Variants in LRP12 observed in about 807,000 individuals in gnomAD.
The protein encoded by LRP12 is low-density lipoprotein receptor-related protein 12.
A neutral mutation model predicts 66.0 loss-of-function variants in LRP12; 14 were observed. The ratio of observed to expected loss-of-function variants is 0.21; its 90% CI spans 0.14 to 0.33. The LOEUF (loss-of-function observed/expected upper bound fraction) is 0.33, where lower values mean the gene tolerates loss of function less well. Ranked by LOEUF, LRP12 falls within the 10% of genes least tolerant of loss-of-function variation. The pLI is 1.00. For synonymous variants in LRP12, 357 were observed against 359.1 expected, an observed-to-expected ratio of 0.99 and a Z score of 0.07; for missense variants, 889 against 1,053.4, an observed-to-expected ratio of 0.84 and a Z score of 2.16.
Position 104,531,970 on chromosome 8 carries a change from T to G in LRP12, c.80-7A>C. The G allele has an allele frequency of 6.4e-7, 1 of 1,574,318 alleles. No individual in the cohort carries two copies. Among genetic ancestry groups the G allele is most frequent in the East Asian group, 2.3e-5 (1 of 44,062 alleles). ...TCTGCAAGAGCACCATTTCCTAAAA[T>G]TAAACATAATGAATAAACTAATATC... On this transcript the variant is annotated splice_region_variant and splice_polypyrimidine_tract_variant and intron_variant, in intron 1 of 6. Coordinates refer to ENST00000276654, the MANE Select transcript of LRP12 (RefSeq NM_013437.5).
At chr8:104,508,814 G>T in intron 3 of LRP12, 125 bp downstream of exon 3, 1 of 791,978 alleles carries the variant, frequency 1.3e-6, no homozygotes, top group Non-Finnish European at 2.0e-6. Flanking sequence ...ATAGCTAATA[G>T]CTGTTCTTTA....
chr8:104,575,860 G>T (rs1812157027), intron 1 of LRP12, among the ~76,000 whole-genome samples: 1 of 152,060 alleles, frequency 6.6e-6, no homozygotes. Flanking sequence ...CCAATCCAAA[G>T]AAGCTAAAAA....
chr8:104,558,255 C>T (rs560037418), intron 1 of LRP12, among the ~76,000 whole-genome samples: 5 of 151,538 alleles, frequency 3.3e-5, no homozygotes, highest in Admixed American at 2.0e-4. Flanking sequence ...CAAAAAGGCA[C>T]GTAGACCAAT....
intron 1 of LRP12, among the ~76,000 whole-genome samples, chr8:104,533,286 G>A (rs543689425): frequency 3.3e-5 from 5 of 152,046 alleles, no homozygotes; most frequent in Non-Finnish European, 7.4e-5. Flanking sequence ...CAGAAAGACT[G>A]TACCCATTTC....
chr8:104,551,208 C>A (rs1470868091), intron 1 of LRP12, among the ~76,000 whole-genome samples: 1 of 152,152 alleles, frequency 6.6e-6, no homozygotes, highest in African/African-American at 2.4e-5. Context: ...ACTGGTTACT[C>A]TCTAACTCCT....
intron 2 of LRP12, among the ~76,000 whole-genome samples, chr8:104,522,427 T>C (rs1268840461): frequency 2.0e-5 from 3 of 152,116 alleles, no homozygotes; most frequent in Non-Finnish European, 4.4e-5. Context: ...TGAAGTCTAT[T>C]TTATATACTC....
Position 104,588,878 on chromosome 8 carries a change from G to C in LRP12, c.20C>G (p.Thr7Arg). Residue 7 changes from threonine to arginine, a missense_variant, in exon 1 of 7, where the codon ACA becomes AGA. By Grantham distance (71) the Thr-to-Arg change is moderately conservative (BLOSUM62 -1). Transcript: ENST00000276654. ...AGACCTCCACCGCGGAGACTCTTTT[G>C]TGCTCCAGCGACAGGCCATAACCAC... MACRWS[T>R]KESPRWRSAL... 1.9e-6 allele frequency: 3 copies of C among 1,610,996 alleles called. No individual in the cohort carries two copies. The highest frequency in any genetic ancestry group is 2.5e-6 in the Non-Finnish European group (3 of 1,178,886).
intron 1 of LRP12, among the ~76,000 whole-genome samples, chr8:104,557,194 C>A (rs377410543): frequency 4.9e-4 from 75 of 152,222 alleles, no homozygotes; most frequent in African/African-American, 1.7e-3. Context: ...CCCCTGAGAA[C>A]AGGAACAAGA....
chr8:104,526,166 TC>T (rs1811234819), intron 2 of LRP12, among the ~76,000 whole-genome samples: 1 of 151,650 alleles, frequency 6.6e-6, no homozygotes, highest in African/African-American at 2.4e-5. Context: ...AAACCACTGC[TC>T]AATGAAATAA....
intron 2 of LRP12, among the ~76,000 whole-genome samples, chr8:104,529,401 T>A (rs575258657): frequency 6.6e-6 from 1 of 152,230 alleles, no homozygotes; most frequent in Non-Finnish European, 1.5e-5. Flanking sequence ...CCTAGAAAAC[T>A]AATACATATT....
chr8:104,554,201 A>G (rs907163493), intron 1 of LRP12, among the ~76,000 whole-genome samples: 1 of 152,212 alleles, frequency 6.6e-6, no homozygotes, highest in South Asian at 2.1e-4. Flanking sequence ...TTCTGGCACT[A>G]TAACAAAACA....
At chr8:104,524,574 G>A (rs1224321196) in intron 2 of LRP12, among the ~76,000 whole-genome samples, 2 of 151,890 alleles carry the variant, frequency 1.3e-5, no homozygotes, top group Admixed American at 6.6e-5. Context: ...TGAAGGCTAA[G>A]GGAAAAATGT....
chr8:104,494,702 T>G (rs2140829445), intron 6 of LRP12, among the ~76,000 whole-genome samples: 1 of 152,302 alleles, frequency 6.6e-6, no homozygotes, highest in Non-Finnish European at 1.5e-5. Context: ...TTTTAATTAC[T>G]TTTACTTATA....
chr8:104,570,049 C>T (rs1171402306), intron 1 of LRP12, among the ~76,000 whole-genome samples: 1 of 151,994 alleles, frequency 6.6e-6, no homozygotes, highest in African/African-American at 2.4e-5. Flanking sequence ...TCCTATAACT[C>T]CCCCCAAATG....
chr8:104,567,879 T>C (rs1379092856), intron 1 of LRP12, among the ~76,000 whole-genome samples: 2 of 152,124 alleles, frequency 1.3e-5, no homozygotes, highest in Non-Finnish European at 2.9e-5. Context: ...GCAATCCCTA[T>C]CAAAATCCTA....
At chr8:104,528,146 C>A (rs1484771348) in intron 2 of LRP12, among the ~76,000 whole-genome samples, 1 of 152,126 alleles carries the variant, frequency 6.6e-6, no homozygotes, top group Non-Finnish European at 1.5e-5. Context: ...TAGGTGCAGA[C>A]AATTAAAATT....
chr8:104,546,081 G>A (rs1811551867), intron 1 of LRP12, among the ~76,000 whole-genome samples: 1 of 152,062 alleles, frequency 6.6e-6, no homozygotes, highest in African/African-American at 2.4e-5. Flanking sequence ...GTTTCCCAGT[G>A]GGCAAGATCT....
chr8:104,535,853 T>A (rs1045440747), intron 1 of LRP12, among the ~76,000 whole-genome samples: 4 of 152,102 alleles, frequency 2.6e-5, no homozygotes, highest in African/African-American at 7.2e-5. Context: ...CAGACATGAA[T>A]ATATTTCTTG....
intron 1 of LRP12, among the ~76,000 whole-genome samples, chr8:104,567,459 T>A (rs1812023336): frequency 6.6e-6 from 1 of 152,106 alleles, no homozygotes. Flanking sequence ...GTACCTCCCA[T>A]AACACGAGGG....
Sources: gnomAD v4.1 joint callset for allele counts (sites outside exome capture counted in the v4.1 genomes callset) on GRCh38, gnomAD v4.1.1 for gene constraint, MANE v1.5 for transcripts, NCBI Gene and HGNC (gene_info 2026-07-23, HGNC 2026-07-21) for gene names.